The following SDC2 variants were observed in gnomAD, a reference collection of about 807,000 sequenced individuals.
SDC2 encodes syndecan-2.
SDC2 carries 13 observed loss-of-function variants against 22.2 expected under a neutral mutation model. The ratio of observed to expected loss-of-function variants is 0.59; its 90% CI spans 0.38 to 0.93. The LOEUF (loss-of-function observed/expected upper bound fraction) is 0.93. SDC2 is among the 40% of genes least tolerant of loss of function. The probability of loss-of-function intolerance (pLI) is 0.00; values close to 1 mark genes in which losing one functional copy is unlikely to be tolerated. For missense variants in SDC2, 235 were observed against 246.8 expected (o/e 0.95, Z 0.32); for synonymous variants, 94 against 92.8 (o/e 1.01, Z -0.07).
intron 1 of SDC2, among the ~76,000 whole-genome samples, chr8:96,553,771 GAT>G (rs1491297973): frequency 1.9e-5 from 2 of 103,810 alleles, no homozygotes; most frequent in Non-Finnish European, 2.7e-5. Flanking sequence ...TTTATTTAAA[GAT>G]TTTTTTTTTT....
intron 1 of SDC2, chr8:96,580,239 C>A: frequency 4.1e-6 from 1 of 241,774 alleles, no homozygotes; most frequent in Non-Finnish European, 6.7e-6. Context: ...GTGGCAGCTG[C>A]AATCATTCAG....
chr8:96,522,291 A>G (rs1813508377), intron 1 of SDC2, among the ~76,000 whole-genome samples: 1 of 152,194 alleles, frequency 6.6e-6, no homozygotes, highest in African/African-American at 2.4e-5. Flanking sequence ...CCTAATCAGG[A>G]CATGCCTGTG....
At chr8:96,601,660 GAAACA>G (rs1055534747) in intron 2 of SDC2, among the ~76,000 whole-genome samples, 3 of 134,208 alleles carry the variant, frequency 2.2e-5, no homozygotes, top group Non-Finnish European at 4.9e-5. Flanking sequence ...AAAAAAAAAA[GAAACA>G]AAACAAAAAC....
intron 1 of SDC2, among the ~76,000 whole-genome samples, chr8:96,530,524 C>T (rs986651129): frequency 4.6e-5 from 7 of 152,058 alleles, no homozygotes; most frequent in Non-Finnish European, 7.4e-5. Flanking sequence ...ATCCCAGCTA[C>T]TTGGGAGGCT....
At chr8:96,550,717 A>G (rs1204205067) in intron 1 of SDC2, among the ~76,000 whole-genome samples, 10 of 152,180 alleles carry the variant, frequency 6.6e-5, no homozygotes, top group Admixed American at 5.9e-4. Context: ...CAAATCAGAA[A>G]TGTTCTATTT....
intron 2 of SDC2, among the ~76,000 whole-genome samples, chr8:96,600,354 A>G (rs1814957365): frequency 6.6e-6 from 1 of 152,220 alleles, no homozygotes; most frequent in South Asian, 2.1e-4. Context: ...AGTTGTTACA[A>G]ATTTGACAAA....
chr8:96,593,153 T>C (rs1666288167), intron 1 of SDC2, among the ~76,000 whole-genome samples: 1 of 152,258 alleles, frequency 6.6e-6, no homozygotes, highest in Admixed American at 6.5e-5. Flanking sequence ...AGATGGCTTA[T>C]AACTAGCATT....
At chr8:96,582,730 A>G (rs903777094) in intron 1 of SDC2, among the ~76,000 whole-genome samples, 1 of 152,164 alleles carries the variant, frequency 6.6e-6, no homozygotes, top group Admixed American at 6.5e-5. Context: ...TGCCCAGCTC[A>G]CTGGCATGTC....
chr8:96,542,910 A>G (rs1235545365), intron 1 of SDC2, among the ~76,000 whole-genome samples: 2 of 152,180 alleles, frequency 1.3e-5, no homozygotes, highest in African/African-American at 4.8e-5. Flanking sequence ...TGGATGATAA[A>G]TATTATTGCT....
At position 96,593,609 on chromosome 8, in the gene SDC2, A is replaced by G. The variant is rs756879826; in HGVS notation, c.172+18A>G. The G allele has an allele frequency of 8.1e-6, 12 of 1,483,886 alleles. No homozygotes were observed. In the Admixed American group the frequency reaches 1.7e-4, roughly 21 times the overall value. The allele number at this position is 1,483,886 out of a possible 1,614,324, so 91.9% of individuals were successfully genotyped here. A position where few individuals can be genotyped will look rare whatever the true frequency, so the allele number is the denominator to read the frequency against. ...TGGCTCGGGTAAGGTGGCTGCTTCT[A>G]AACACTGGACCTCATTCTCCAGGCA... On this transcript the variant is annotated intron_variant, in intron 2 of 4. Transcript: ENST00000302190.
At chr8:96,604,144 C>T (rs1815038826) in intron 3 of SDC2, among the ~76,000 whole-genome samples, 1 of 152,188 alleles carries the variant, frequency 6.6e-6, no homozygotes, top group Admixed American at 6.5e-5. Context: ...AGGGAAGCAA[C>T]TCTCCTGGGT....
chr8:96,565,084 A>ATTTTTTTTTTTTTT (rs11304418), intron 1 of SDC2, among the ~76,000 whole-genome samples: 750 of 67,672 alleles, frequency 0.011, 106 homozygotes, highest in African/African-American at 0.017. Flanking sequence ...CCTAAATTTG[A>ATTTTTTTTTTTTTT]TTTTTTTTTT....
chr8:96,500,181 G>A (rs966063333), intron 1 of SDC2, among the ~76,000 whole-genome samples: 6 of 152,138 alleles, frequency 3.9e-5, no homozygotes, highest in African/African-American at 1.4e-4. Flanking sequence ...CACATCAGCT[G>A]TGCACAGTCA....
At chr8:96,585,388 T>G (rs1814664623) in intron 1 of SDC2, among the ~76,000 whole-genome samples, 2 of 152,220 alleles carry the variant, frequency 1.3e-5, no homozygotes, top group Admixed American at 6.5e-5. Flanking sequence ...AGATGATGGC[T>G]TGGAACACCT....
chr8:96,508,296 A>AAATAAT lies in SDC2; in HGVS notation c.60+14008_60+14013dup, dbSNP rs35792253. On this transcript the variant is annotated intron_variant, in intron 1 of 4. Transcript: ENST00000302190. ...GGGCAACAGAGTGAGACTCCGTCTC[A>AAATAAT]AATAATAATAATAATAATAATAATA... Among the ~76,000 whole-genome samples, 1,109 of 130,894 alleles carry AAATAAT rather than the reference A, an allele frequency of 8.5e-3. 13 individuals carry two copies. The highest frequency in any genetic ancestry group is 0.026 in the Middle Eastern group (7 of 266). 85.9% of individuals were successfully genotyped at this position (130,894 alleles called of 152,430 possible).
At chr8:96,525,879 G>A (rs1448489109) in intron 1 of SDC2, among the ~76,000 whole-genome samples, 1 of 152,052 alleles carries the variant, frequency 6.6e-6, no homozygotes, top group South Asian at 2.1e-4. Context: ...TCCGGAAAAG[G>A]GTCTGGGACG....
At chr8:96,583,378 AATAT>A (rs1190424812) in intron 1 of SDC2, among the ~76,000 whole-genome samples, 2 of 105,110 alleles carry the variant, frequency 1.9e-5, no homozygotes, top group African/African-American at 7.3e-5. Flanking sequence ...TCATATATAA[AATAT>A]ATATGACATA....
chr8:96,583,552 G>T (rs1814629539), intron 1 of SDC2, among the ~76,000 whole-genome samples: 2 of 151,326 alleles, frequency 1.3e-5, no homozygotes, highest in Admixed American at 1.3e-4. Context: ...ACATTATAGT[G>T]CCAAAAATGT....
At chr8:96,578,972 G>A (rs977306331) in intron 1 of SDC2, among the ~76,000 whole-genome samples, 3 of 152,208 alleles carry the variant, frequency 2.0e-5, no homozygotes, top group East Asian at 1.9e-4. Flanking sequence ...ACCTGAATGC[G>A]TATCAGACAC....
Sources: gnomAD v4.1 joint callset for allele counts (sites outside exome capture counted in the v4.1 genomes callset) on GRCh38, gnomAD v4.1.1 for gene constraint, MANE v1.5 for transcripts, NCBI Gene and HGNC (gene_info 2026-07-23, HGNC 2026-07-21) for gene names.